The following CD226 variants were observed in gnomAD, a reference collection of about 807,000 sequenced individuals.
CD226 encodes CD226 molecule, also known as CD226 antigen.
Under a neutral mutation model 34.9 loss-of-function variants are expected in CD226, and 24 were observed. The observed-to-expected ratio is 0.69, with a 90% CI of 0.50 to 0.97. The LOEUF (loss-of-function observed/expected upper bound fraction) is 0.97, where lower values mean the gene tolerates loss of function less well. CD226 is among the 50% of genes least tolerant of loss of function. CD226 has a pLI of 0.00. For synonymous variants in CD226, 148 were observed against 147.4 expected (o/e 1.00, Z -0.03); for missense variants, 397 against 412.7 (o/e 0.96, Z 0.33).
intron 2 of CD226, among the ~76,000 whole-genome samples, chr18:69,913,246 T>C (rs1433120493): frequency 4.0e-5 from 6 of 151,882 alleles, no homozygotes; most frequent in Non-Finnish European, 5.9e-5. Context: ...ACCAAGGATA[T>C]CATAGAAAGA....
chr18:69,911,416 T>G (rs755020234), intron 2 of CD226, among the ~76,000 whole-genome samples: 3 of 152,232 alleles, frequency 2.0e-5, no homozygotes, highest in Non-Finnish European at 4.4e-5. Flanking sequence ...GGGAACTGCC[T>G]TCTTCATTTT....
chr18:69,871,030 T>C (rs1318024427), intron 4 of CD226, among the ~76,000 whole-genome samples: 1 of 152,238 alleles, frequency 6.6e-6, no homozygotes, highest in Non-Finnish European at 1.5e-5. Context: ...GGACAATGTA[T>C]TCTACCGTTC....
At chr18:69,896,070 G>T in intron 2 of CD226, 25 bp from the exon 3 acceptor site, 2 of 1,585,508 alleles carry the variant, frequency 1.3e-6, no homozygotes, top group South Asian at 1.1e-5. Context: ...CAAATGATTA[G>T]ATACAGGTTG....
At position 69,909,269 on chromosome 18, in the gene CD226, T is replaced by C. The variant is rs2055294995; in HGVS notation, c.383-13224A>G. 2.6e-5 allele frequency among the ~76,000 whole-genome samples: 4 copies of C among 152,212 alleles called. No homozygotes were observed. The South Asian group carries it at 8.3e-4, about 31-fold the overall frequency. On this transcript the variant is annotated intron_variant, in intron 2 of 5. Coordinates refer to ENST00000582621, the MANE Select transcript of CD226 (RefSeq NM_001303618.2). ...CAAAGATGATGTGTTGTAAATTTAG[T>C]GAATGATACCAGGAACTCAGAGCAA...
chr18:69,919,758 T>C (rs1213380262), intron 2 of CD226, among the ~76,000 whole-genome samples: 2 of 152,212 alleles, frequency 1.3e-5, no homozygotes, highest in Non-Finnish European at 2.9e-5. Context: ...AGATGTGATT[T>C]ACTGAACAGT....
At position 69,857,484 on chromosome 18, in the gene CD226, T is replaced by C. The variant is rs1448501391; in HGVS notation, c.*6830A>G. Reference sequence around the variant, plus strand: ...ATCAAAGAATAATGGTCTTAGTCACTGTAAGTACTTTTGGATACCTGGCAT... The same window carrying C: ...ATCAAAGAATAATGGTCTTAGTCACCGTAAGTACTTTTGGATACCTGGCAT... On this transcript the variant is annotated 3_prime_UTR_variant, in exon 6 of 6. Transcript: ENST00000582621. The C allele has an allele frequency of 6.6e-6, 1 of 152,244 alleles. No homozygotes were observed. Among genetic ancestry groups the C allele is most frequent in the African/African-American group, 2.4e-5 (1 of 41,466 alleles). 9.4% of individuals were successfully genotyped at this position (152,244 alleles called of 1,614,324 possible).
At chr18:69,890,705 C>T (rs1409803602) in intron 3 of CD226, among the ~76,000 whole-genome samples, 1 of 152,090 alleles carries the variant, frequency 6.6e-6, no homozygotes, top group Non-Finnish European at 1.5e-5. Context: ...TGTTTTGAGG[C>T]AGTGGAAAGC....
intron 3 of CD226, among the ~76,000 whole-genome samples, chr18:69,886,868 T>C (rs1984586934): frequency 6.6e-6 from 1 of 152,194 alleles, no homozygotes; most frequent in South Asian, 2.1e-4. Flanking sequence ...TTAGGCTGAA[T>C]ACCTCCAAAT....
At chr18:69,920,816 T>G (rs965200300) in intron 2 of CD226, among the ~76,000 whole-genome samples, 3 of 152,180 alleles carry the variant, frequency 2.0e-5, no homozygotes, top group Non-Finnish European at 4.4e-5. Context: ...GAAATTTGAC[T>G]GAGTTCCTTA....
At chr18:69,873,294 C>A in intron 3 of CD226, 48 bp from the exon 4 acceptor site, 4 of 940,702 alleles carry the variant, frequency 4.3e-6, no homozygotes, top group South Asian at 3.0e-5. Flanking sequence ...CAGCCAAAGG[C>A]AGTAAAAAGT....
At chr18:69,882,358 C>T (rs7237727) in intron 3 of CD226, among the ~76,000 whole-genome samples, 36,125 of 152,106 alleles carry the variant, frequency 0.24, 5,078 homozygotes, top group Middle Eastern at 0.41. Context: ...CTTGTGTGTA[C>T]GTTTTACCTA....
intron 2 of CD226, among the ~76,000 whole-genome samples, chr18:69,916,355 G>A (rs1274712078): frequency 6.6e-6 from 1 of 152,132 alleles, no homozygotes; most frequent in East Asian, 1.9e-4. Flanking sequence ...AATTTAGTAT[G>A]ACATTGACCA....
At chr18:69,875,420 G>T (rs976497011) in intron 3 of CD226, among the ~76,000 whole-genome samples, 4 of 152,214 alleles carry the variant, frequency 2.6e-5, no homozygotes, top group Non-Finnish European at 4.4e-5. Flanking sequence ...TTACAGGCAT[G>T]AGCCACCGCA....
chr18:69,880,328 GAGAGAA>G (rs1434894816), intron 3 of CD226, among the ~76,000 whole-genome samples: 75 of 57,416 alleles, frequency 1.3e-3, no homozygotes, highest in African/African-American at 2.1e-3. Flanking sequence ...GAAAAAGAAA[GAGAGAA>G]AGAAAGAAAG....
intron 2 of CD226, among the ~76,000 whole-genome samples, chr18:69,912,324 G>C (rs1414583558): frequency 6.6e-6 from 1 of 152,178 alleles, no homozygotes; most frequent in Non-Finnish European, 1.5e-5. Context: ...AACATAAAAT[G>C]GTTGAGCCTT....
rs140890460 is a variant in CD226 at position 69,878,239 on chromosome 18, T to C, written c.728-4993A>G. Among the ~76,000 whole-genome samples, 526 of 152,274 alleles carry C rather than the reference T, an allele frequency of 3.5e-3. 3 individuals are homozygous for C. The highest frequency in any genetic ancestry group is 0.012 in the African/African-American group (506 of 41,556). The stretch of plus-strand genomic sequence containing the variant: ...CTAACTTTTTTCACTTATATCCCAA[T>C]GCTGTGTTGATTCATAGGAGGAGAA... On this transcript the variant is annotated intron_variant, in intron 3 of 5. Transcript: ENST00000582621.
intron 2 of CD226, among the ~76,000 whole-genome samples, chr18:69,935,265 G>A (rs1378417643): frequency 6.6e-6 from 1 of 152,118 alleles, no homozygotes; most frequent in Admixed American, 6.5e-5. Context: ...TTAATAATGT[G>A]ATCTGTTAAG....
chr18:69,946,054 C>A (rs1031090388), intron 2 of CD226, among the ~76,000 whole-genome samples: 1 of 151,552 alleles, frequency 6.6e-6, no homozygotes, highest in Non-Finnish European at 1.5e-5. Context: ...CGTGGCGGTG[C>A]ACACCTGTAG....
chr18:69,871,794 G>A (rs943087620), intron 4 of CD226, among the ~76,000 whole-genome samples: 6 of 152,194 alleles, frequency 3.9e-5, no homozygotes, highest in African/African-American at 1.4e-4. Context: ...TTCAGTCAGG[G>A]TTAATGACAG....
Sources: gnomAD v4.1 joint callset for allele counts (sites outside exome capture counted in the v4.1 genomes callset) on GRCh38, gnomAD v4.1.1 for gene constraint, MANE v1.5 for transcripts, NCBI Gene and HGNC (gene_info 2026-07-23, HGNC 2026-07-21) for gene names.